The following WDR70 variants were observed in gnomAD, a reference collection of about 807,000 sequenced individuals.
The protein encoded by WDR70 is WD repeat domain 70.
Under a neutral mutation model 88.6 loss-of-function variants are expected in WDR70, and 53 were observed. That is an observed-to-expected ratio of 0.60 (90% confidence interval 0.48 to 0.75). The LOEUF (loss-of-function observed/expected upper bound fraction) is 0.75. Ranked by LOEUF, WDR70 falls within the 30% of genes least tolerant of loss-of-function variation. The pLI, the probability that WDR70 is intolerant of heterozygous loss-of-function variation, is 0.00. For missense variants in WDR70, 610 were observed against 823.2 expected, an observed-to-expected ratio of 0.74 and a Z score of 3.17; for synonymous variants, 280 against 270.0, an observed-to-expected ratio of 1.04 and a Z score of -0.36.
chr5:37,732,717 A>G (rs150078933), intron 17 of WDR70, among the ~76,000 whole-genome samples: 141 of 152,178 alleles, frequency 9.3e-4, no homozygotes, highest in African/African-American at 3.1e-3. Flanking sequence ...ACTGATTTGT[A>G]AGAGTTATTT....
intron 10 of WDR70, among the ~76,000 whole-genome samples, chr5:37,641,897 G>T (rs1745114026): frequency 6.6e-6 from 1 of 152,134 alleles, no homozygotes. Context: ...AACTATTTTA[G>T]AAAGGTCAAT....
intron 13 of WDR70, among the ~76,000 whole-genome samples, chr5:37,707,317 C>T (rs1448824740): frequency 6.6e-6 from 1 of 152,018 alleles, no homozygotes; most frequent in Non-Finnish European, 1.5e-5. Flanking sequence ...GCAATAATTT[C>T]AGAGATAGCA....
intron 5 of WDR70, among the ~76,000 whole-genome samples, 155 bp downstream of exon 5, chr5:37,396,725 G>GAAGGCT (rs2111903835): frequency 6.6e-6 from 1 of 152,264 alleles, no homozygotes; most frequent in African/African-American, 2.4e-5. Flanking sequence ...CAGTTACTTG[G>GAAGGCT]AAGGCTGAGG....
At chr5:37,501,433 G>A (rs544620867) in intron 8 of WDR70, among the ~76,000 whole-genome samples, 32 of 152,000 alleles carry the variant, frequency 2.1e-4, no homozygotes, top group African/African-American at 7.5e-4. Context: ...GCTTCCTTGG[G>A]CCACATTGGA....
At chr5:37,591,057 C>G (rs1394099180) in intron 9 of WDR70, among the ~76,000 whole-genome samples, 2 of 151,990 alleles carry the variant, frequency 1.3e-5, no homozygotes, top group African/African-American at 2.4e-5. Context: ...AAAAGGAGAC[C>G]AGGTGTGATG....
intron 10 of WDR70, among the ~76,000 whole-genome samples, chr5:37,617,544 T>G (rs1744379922): frequency 6.6e-6 from 1 of 152,216 alleles, no homozygotes; most frequent in Non-Finnish European, 1.5e-5. Context: ...CACTGGAATA[T>G]GGGAGTGGGT....
At chr5:37,396,183 C>CG (rs1554136637) in intron 4 of WDR70, among the ~76,000 whole-genome samples, 192 bp from the exon 5 acceptor site, 16 of 31,224 alleles carry the variant, frequency 5.1e-4, no homozygotes, top group Middle Eastern at 0.026. Context: ...CTGCGTAAGA[C>CG]GGTTTTTTTT....
chr5:37,581,676 A>G (rs1300488704), intron 9 of WDR70, among the ~76,000 whole-genome samples: 1 of 152,172 alleles, frequency 6.6e-6, no homozygotes, highest in Non-Finnish European at 1.5e-5. Flanking sequence ...GATTTCTCTG[A>G]TGATCTAAGG....
chr5:37,711,288 G>T (rs916547760), intron 13 of WDR70, among the ~76,000 whole-genome samples: 1 of 152,044 alleles, frequency 6.6e-6, no homozygotes, highest in African/African-American at 2.4e-5. Flanking sequence ...AAGCATACTT[G>T]GCCCAGTTTC....
At chr5:37,687,950 T>C (rs757038764) in intron 10 of WDR70, 18 of 693,450 alleles carry the variant, frequency 2.6e-5, no homozygotes, top group Non-Finnish European at 4.5e-5. Context: ...GTCTGCATGC[T>C]CTGGGCTCAC....
At chr5:37,752,462 T>C in intron 17 of WDR70, 24 bp from the exon 18 acceptor site, 2 of 1,582,988 alleles carry the variant, frequency 1.3e-6, no homozygotes, top group South Asian at 1.2e-5. Context: ...AATTTTTCCT[T>C]CTCTTCTTTA....
intron 5 of WDR70, among the ~76,000 whole-genome samples, chr5:37,434,345 A>G (rs1401719580): frequency 1.3e-5 from 2 of 152,202 alleles, no homozygotes; most frequent in Non-Finnish European, 2.9e-5. Flanking sequence ...AACCATATCA[A>G]TGAAGAAATG....
chr5:37,580,371 A>G (rs1743183936), intron 9 of WDR70, among the ~76,000 whole-genome samples: 1 of 152,186 alleles, frequency 6.6e-6, no homozygotes, highest in Non-Finnish European at 1.5e-5. Context: ...TATCTGGGTC[A>G]GAAGATAAAG....
chr5:37,664,160 C>T (rs1201090328), intron 10 of WDR70, among the ~76,000 whole-genome samples: 2 of 152,174 alleles, frequency 1.3e-5, no homozygotes, highest in African/African-American at 4.8e-5. Context: ...CTCATCCTCC[C>T]TGTCTTCAGT....
intron 7 of WDR70, among the ~76,000 whole-genome samples, chr5:37,445,183 G>T (rs1285427155): frequency 1.3e-5 from 2 of 151,994 alleles, no homozygotes; most frequent in African/African-American, 4.8e-5. Context: ...CTGTTTCACT[G>T]TTAGTGACTA....
intron 9 of WDR70, among the ~76,000 whole-genome samples, chr5:37,551,768 GTTTT>G (rs1176757597): frequency 5.4e-5 from 5 of 92,724 alleles, no homozygotes; most frequent in Non-Finnish European, 4.0e-5. Context: ...TCATTGTTTA[GTTTT>G]TTTTTTTTTT....
At chr5:37,744,228 C>T (rs1471355616) in intron 17 of WDR70, among the ~76,000 whole-genome samples, 1 of 152,120 alleles carries the variant, frequency 6.6e-6, no homozygotes, top group African/African-American at 2.4e-5. Flanking sequence ...GTAACAACAA[C>T]AGCATCAACA....
intron 10 of WDR70, among the ~76,000 whole-genome samples, chr5:37,607,442 AT>A (rs1466927522): frequency 6.6e-6 from 1 of 152,118 alleles, no homozygotes; most frequent in Non-Finnish European, 1.5e-5. Flanking sequence ...TAATCCTAGA[AT>A]TTTCATTAGA....
At chr5:37,599,255 A>G (rs924558833) in intron 9 of WDR70, among the ~76,000 whole-genome samples, 8 of 152,254 alleles carry the variant, frequency 5.3e-5, no homozygotes, top group African/African-American at 1.7e-4. Context: ...AGTAATGTTT[A>G]TAAACACTTT....
Sources: gnomAD v4.1 joint callset for allele counts (sites outside exome capture counted in the v4.1 genomes callset) on GRCh38, gnomAD v4.1.1 for gene constraint, MANE v1.5 for transcripts, NCBI Gene and HGNC (gene_info 2026-07-23, HGNC 2026-07-21) for gene names.